The following PLEKHD1 variants were observed in gnomAD, a reference collection of about 807,000 sequenced individuals.
The protein encoded by PLEKHD1 is pleckstrin homology and coiled-coil domain containing D1.
In PLEKHD1, 51 loss-of-function variants were observed where a neutral mutation model predicts 69.2. That is an observed-to-expected ratio of 0.74 (90% CI 0.59 to 0.93). The LOEUF is 0.93. Ranked by LOEUF, PLEKHD1 falls within the 40% of genes least tolerant of loss-of-function variation. The pLI is 0.00. For synonymous variants in PLEKHD1, 236 were observed against 244.7 expected, an observed-to-expected ratio of 0.96 and a Z score of 0.33; for missense variants, 584 against 641.0, an observed-to-expected ratio of 0.91 and a Z score of 0.96.
chr14:69,485,650 T>TG (rs1286292159), intron 1 of PLEKHD1, among the ~76,000 whole-genome samples: 1 of 152,134 alleles, frequency 6.6e-6, no homozygotes, highest in African/African-American at 2.4e-5. Context: ...TGCTTGTCCA[T>TG]GGGGAAGTGA....
At chr14:69,473,956 A>G in the PLEKHD1 span, among the ~76,000 whole-genome samples, 1 of 152,166 alleles carries the variant, frequency 6.6e-6, no homozygotes, top group African/African-American at 2.4e-5. Flanking sequence ...TTGCTGGGCT[A>G]GGGGCAGAGG....
At chr14:69,521,785 G>A (rs1883520203) in intron 6 of PLEKHD1, among the ~76,000 whole-genome samples, 2 of 152,156 alleles carry the variant, frequency 1.3e-5, no homozygotes. Context: ...TGGAGTCATT[G>A]CTTCCCAGAT....
intron 1 of PLEKHD1, among the ~76,000 whole-genome samples, chr14:69,487,678 G>A (rs1320541821): frequency 6.6e-6 from 1 of 152,190 alleles, no homozygotes; most frequent in Non-Finnish European, 1.5e-5. Flanking sequence ...TTTCCTGGGG[G>A]CAACAAAAGG....
intron 6 of PLEKHD1, among the ~76,000 whole-genome samples, chr14:69,514,670 G>A (rs972095028): frequency 2.6e-5 from 4 of 151,884 alleles, no homozygotes; most frequent in African/African-American, 4.8e-5. Flanking sequence ...CCCTGGCCAC[G>A]ATGTATTGGG....
intron 6 of PLEKHD1, among the ~76,000 whole-genome samples, chr14:69,512,911 A>G (rs1420351778): frequency 6.6e-6 from 1 of 150,866 alleles, no homozygotes; most frequent in Non-Finnish European, 1.5e-5. Context: ...AAAAAAAAAA[A>G]GAGAGAGAGA....
chr14:69,503,520 G>T (rs1018369939), intron 6 of PLEKHD1: 3 of 152,620 alleles, frequency 2.0e-5, no homozygotes, highest in African/African-American at 4.8e-5. Flanking sequence ...GTGAAACCCC[G>T]TCTCTACTAA....
Position 69,500,908 on chromosome 14 carries a change from A to G in PLEKHD1, c.371A>G (p.Gln124Arg), listed in dbSNP as rs958694759. ...CTTGCTGCTGAGTCGGAGTTTGAGC[A>G]GACCCAGTGGCTGGAGATGCTGCAG... ...ILLAAESEFE[Q>R]TQWLEMLQES... The change falls in exon 4 of 13, where the codon CAG becomes CGG. Residue 124 changes from glutamine to arginine, a missense_variant. Coordinates refer to ENST00000322564, the MANE Select transcript of PLEKHD1 (RefSeq NM_001161498.2). 3.2e-6 allele frequency: 5 copies of G among 1,551,570 alleles called. No homozygotes were observed. Among genetic ancestry groups the G allele is most frequent in the Middle Eastern group, 1.7e-4 (1 of 6,014 alleles).
chr14:69,469,611 T>C, the PLEKHD1 span, among the ~76,000 whole-genome samples: 3 of 151,952 alleles, frequency 2.0e-5, no homozygotes, highest in African/African-American at 7.3e-5. Flanking sequence ...GGGGTCTCAC[T>C]CTGTTGCCTA....
At position 69,528,261 on chromosome 14, in the gene PLEKHD1, C is replaced by T; in HGVS notation, c.1363C>T (p.Gln455Ter). ...STSWNDMKPS[Q>*]SFMTSQLDAN... ...TCCTGTTTCCCCAGTGAAGCCGTCC[C>T]AGTCCTTCATGACCTCCCAGCTGGA... is the stretch of plus-strand genomic sequence containing the variant. Residue 455 changes from glutamine (Q) to a stop codon, truncating the protein, a stop_gained, in exon 13 of 13, where the codon CAG becomes TAG. Coordinates refer to ENST00000322564, the MANE Select transcript of PLEKHD1 (RefSeq NM_001161498.2). LOFTEE classifies it high-confidence loss of function. The T allele has an allele frequency of 1.3e-6, 2 of 1,551,712 alleles. No homozygotes were observed. Among genetic ancestry groups the T allele is most frequent in the Non-Finnish European group, 1.7e-6 (2 of 1,146,984 alleles).
intron 6 of PLEKHD1, among the ~76,000 whole-genome samples, chr14:69,516,686 G>A (rs61982437): frequency 8.6e-5 from 13 of 152,046 alleles, no homozygotes; most frequent in South Asian, 4.2e-4. Context: ...CCATTTTTGC[G>A]GGGGAGGGTG....
chr14:69,501,183 C>G, intron 4 of PLEKHD1: 1 of 575,192 alleles, frequency 1.7e-6, no homozygotes, highest in South Asian at 2.0e-5. Context: ...CCATTTGTCT[C>G]CAACTCTTGG....
chr14:69,486,485 A>G (rs1221064267), intron 1 of PLEKHD1, among the ~76,000 whole-genome samples: 1 of 152,150 alleles, frequency 6.6e-6, no homozygotes, highest in Non-Finnish European at 1.5e-5. Context: ...GGGAGCTTCC[A>G]GTATTGTGCT....
the PLEKHD1 span, among the ~76,000 whole-genome samples, chr14:69,478,262 A>C: frequency 1.3e-5 from 2 of 152,166 alleles, no homozygotes; most frequent in Admixed American, 6.5e-5. Flanking sequence ...TAGGCTGCAC[A>C]CAGGAGACCC....
rs546177571 is a variant in PLEKHD1 at position 69,500,286 on chromosome 14, G to A, written c.243+78G>A. 1.3e-4 allele frequency: 152 copies of A among 1,200,864 alleles called. No homozygotes were observed. In the African/African-American group the frequency reaches 2.1e-3, roughly 16 times the overall value. 74.4% of individuals were successfully genotyped at this position (1,200,864 alleles called of 1,614,324 possible). On this transcript the variant is annotated intron_variant, in intron 2 of 12. Transcript: ENST00000322564. ...AGAGCTTGCATCTTGTGAGGGGAGGGGACTGCGCTCTTGCTCTGGCCTAGC... is the reference window on the plus strand; with the variant it reads ...AGAGCTTGCATCTTGTGAGGGGAGGAGACTGCGCTCTTGCTCTGGCCTAGC...
chr14:69,479,670 T>G, the PLEKHD1 span, among the ~76,000 whole-genome samples: 1 of 151,914 alleles, frequency 6.6e-6, no homozygotes, highest in African/African-American at 2.4e-5. Flanking sequence ...ACAAAAAAAG[T>G]TGGACATGAA....
At chr14:69,502,020 C>T (rs1008011153) in intron 5 of PLEKHD1, 195 bp downstream of exon 5, 8 of 498,356 alleles carry the variant, frequency 1.6e-5, no homozygotes, top group Admixed American at 3.6e-5. Context: ...AAGGCAGGAG[C>T]GTCTGATGGT....
chr14:69,528,358 T>G lies in PLEKHD1; in HGVS notation c.1460T>G (p.Ile487Ser). 1.9e-6 allele frequency: 3 copies of G among 1,551,638 alleles called. No homozygotes were observed. Among genetic ancestry groups the G allele is most frequent in the Non-Finnish European group, 2.6e-6 (3 of 1,146,976 alleles). ...LSRDQRFRESIYHIMATQPGA... is the reference protein window; with the variant it reads ...LSRDQRFRESSYHIMATQPGA... Reference sequence around the variant, plus strand: ...AGGGACCAGCGCTTCCGGGAATCCATCTACCACATCATGGCCACCCAGCCT... The same window carrying G: ...AGGGACCAGCGCTTCCGGGAATCCAGCTACCACATCATGGCCACCCAGCCT... The change falls in exon 13 of 13, where the codon ATC becomes AGC. Residue 487 changes from isoleucine to serine, a missense_variant. Physicochemically the swap from Ile to Ser is moderately radical, Grantham distance 142. Transcript: ENST00000322564.
upstream of PLEKHD1, among the ~76,000 whole-genome samples, chr14:69,481,256 G>A (rs781448435): frequency 9.2e-5 from 14 of 152,172 alleles, no homozygotes; most frequent in African/African-American, 1.2e-4. Context: ...TCAGGAGGTC[G>A]AGGCTGCAGT....
intron 6 of PLEKHD1, among the ~76,000 whole-genome samples, chr14:69,510,619 T>C (rs1344338832): frequency 6.6e-6 from 1 of 152,190 alleles, no homozygotes; most frequent in Non-Finnish European, 1.5e-5. Context: ...ACAATCTTGC[T>C]ACAATTGCTT....
Sources: gnomAD v4.1 joint callset for allele counts (sites outside exome capture counted in the v4.1 genomes callset) on GRCh38, gnomAD v4.1.1 for gene constraint, MANE v1.5 for transcripts, NCBI Gene and HGNC (gene_info 2026-07-23, HGNC 2026-07-21) for gene names.